The following RANBP17 variants were observed in gnomAD, a reference collection of about 807,000 sequenced individuals.
RANBP17 encodes the protein ran-binding protein 17.
Under a neutral mutation model 141.2 loss-of-function variants are expected in RANBP17, and 158 were observed. That is an observed-to-expected ratio of 1.12 (90% CI 0.98 to 1.28). The LOEUF (loss-of-function observed/expected upper bound fraction) is 1.28. Ranked by LOEUF, RANBP17 falls within the 50% of genes most tolerant of loss-of-function variation. The pLI is 0.00. For synonymous variants in RANBP17, 430 were observed against 450.0 expected, an observed-to-expected ratio of 0.96 and a Z score of 0.56; for missense variants, 1,438 against 1,290.7, an observed-to-expected ratio of 1.11 and a Z score of -1.75.
At chr5:171,290,803 G>A (rs1474844338) in intron 25 of RANBP17, among the ~76,000 whole-genome samples, 1 of 152,156 alleles carries the variant, frequency 6.6e-6, no homozygotes, top group Non-Finnish European at 1.5e-5. Context: ...TTCATTGAGC[G>A]ATGAAATTCC....
chr5:170,993,414 T>A (rs1265696656), intron 14 of RANBP17, among the ~76,000 whole-genome samples: 1 of 152,036 alleles, frequency 6.6e-6, no homozygotes, highest in Admixed American at 6.6e-5. Context: ...CTAAAATACA[T>A]ATTTTTAAAG....
intron 16 of RANBP17, among the ~76,000 whole-genome samples, chr5:171,174,748 T>TAG (rs1218362292): frequency 8.6e-5 from 9 of 104,512 alleles, no homozygotes; most frequent in Middle Eastern, 4.7e-3. Context: ...TAAAAATATC[T>TAG]AGAGTGTGTG....
chr5:171,177,344 CT>C (rs1760553186), intron 16 of RANBP17, among the ~76,000 whole-genome samples: 1 of 152,020 alleles, frequency 6.6e-6, no homozygotes, highest in Non-Finnish European at 1.5e-5. Context: ...TTGTTTTGAT[CT>C]GATCATTTCT....
chr5:170,946,717 T>C (rs987201764), intron 12 of RANBP17, among the ~76,000 whole-genome samples: 1 of 152,130 alleles, frequency 6.6e-6, no homozygotes, highest in African/African-American at 2.4e-5. Context: ...AGCAGCACTA[T>C]TTTTCATGCT....
At chr5:170,910,868 T>C in intron 6 of RANBP17, 101 bp from the exon 7 acceptor site, 1 of 1,167,172 alleles carries the variant, frequency 8.6e-7, no homozygotes, top group Non-Finnish European at 1.2e-6. Flanking sequence ...GTAAACTCCT[T>C]TATTAGTTTT....
intron 25 of RANBP17, among the ~76,000 whole-genome samples, chr5:171,289,581 A>G (rs970894929): frequency 6.6e-6 from 1 of 152,126 alleles, no homozygotes; most frequent in Non-Finnish European, 1.5e-5. Flanking sequence ...CTACAAAAAA[A>G]TCAAACCATT....
intron 18 of RANBP17, 29 bp downstream of exon 18, chr5:171,183,459 TA>T (rs1761011557): frequency 2.8e-6 from 4 of 1,435,432 alleles, no homozygotes; most frequent in Non-Finnish European, 3.9e-6. Flanking sequence ...ACTCAATTAA[TA>T]AGGGATCAGC....
At chr5:171,182,942 T>C (rs561711340) in intron 16 of RANBP17, among the ~76,000 whole-genome samples, 1 of 152,242 alleles carries the variant, frequency 6.6e-6, no homozygotes, top group African/African-American at 2.4e-5. Flanking sequence ...AATTCATTCT[T>C]TCTTTCCATA....
Position 171,000,762 on chromosome 5 carries a change from G to A in RANBP17, c.1710+32385G>A, listed in dbSNP as rs1440768951. Among the ~76,000 whole-genome samples, 10 of 152,220 alleles carry A rather than the reference G, an allele frequency of 6.6e-5. No individual in the cohort carries two copies. In the South Asian group the frequency reaches 2.1e-3, roughly 32 times the overall value. On this transcript the variant is annotated intron_variant, in intron 14 of 27. Transcript: ENST00000523189. ...TTAGGAGCAATGTTTTACGGGCAGGGGGTGGATCTCACAAAGTACATTCTC... is the reference window on the plus strand; with the variant it reads ...TTAGGAGCAATGTTTTACGGGCAGGAGGTGGATCTCACAAAGTACATTCTC...
chr5:171,013,047 T>C (rs1001223420), intron 14 of RANBP17, among the ~76,000 whole-genome samples: 1 of 152,170 alleles, frequency 6.6e-6, no homozygotes, highest in Middle Eastern at 3.2e-3. Flanking sequence ...GACTTTAGAG[T>C]TAAATCTCAG....
chr5:170,975,650 CTTTTATAAGGGCACT>C (rs1777312811), intron 14 of RANBP17, among the ~76,000 whole-genome samples: 1 of 152,172 alleles, frequency 6.6e-6, no homozygotes, highest in African/African-American at 2.4e-5. Flanking sequence ...ATAAGGGCAC[CTTTTATAAGGGCACT>C]AATCCCCCTT....
chr5:170,983,520 A>G (rs559490559), intron 14 of RANBP17, among the ~76,000 whole-genome samples: 1 of 152,220 alleles, frequency 6.6e-6, no homozygotes, highest in Admixed American at 6.5e-5. Context: ...AGATAATGTG[A>G]AAAATTCTTA....
chr5:171,055,908 A>AAAAT, intron 14 of RANBP17, among the ~76,000 whole-genome samples: 1 of 144,502 alleles, frequency 6.9e-6, no homozygotes, highest in African/African-American at 2.5e-5. Flanking sequence ...AAAAAAAAAA[A>AAAAT]CATTCTTATT....
Position 171,299,895 on chromosome 5 carries a change from A to C in RANBP17, c.*1037A>C, listed in dbSNP as rs531476539. On this transcript the variant is annotated 3_prime_UTR_variant, in exon 28 of 28. Coordinates refer to ENST00000523189, the MANE Select transcript of RANBP17 (RefSeq NM_022897.5). ...CCACTGTCAAGTGTTTTACTATCTC[A>C]CTGCTGTTTTTATGATTCAGGCTTA... 4.7e-6 allele frequency: 1 copy of C among 210,646 alleles called. No homozygotes were observed. Among genetic ancestry groups the C allele is most frequent in the East Asian group, 7.2e-5 (1 of 13,950 alleles). The allele number at this position is 210,646 out of a possible 1,614,324, so 13.0% of individuals were successfully genotyped here. A position where few individuals can be genotyped will look rare whatever the true frequency, so the allele number is the denominator to read the frequency against.
chr5:170,876,658 G>C (rs1338310599), intron 1 of RANBP17, among the ~76,000 whole-genome samples: 1 of 152,040 alleles, frequency 6.6e-6, no homozygotes, highest in Non-Finnish European at 1.5e-5. Context: ...TAGGGAAATG[G>C]AAAATGCTAT....
At chr5:171,183,960 G>A (rs1761046371) in intron 18 of RANBP17, among the ~76,000 whole-genome samples, 1 of 152,144 alleles carries the variant, frequency 6.6e-6, no homozygotes, top group Non-Finnish European at 1.5e-5. Context: ...TTACACTGGT[G>A]CAAATGGTAT....
intron 14 of RANBP17, among the ~76,000 whole-genome samples, chr5:171,089,889 T>A (rs1227893603): frequency 1.3e-5 from 2 of 152,300 alleles, no homozygotes; most frequent in African/African-American, 4.8e-5. Context: ...ACCCGGTACC[T>A]CAGATGGAAA....
intron 24 of RANBP17, among the ~76,000 whole-genome samples, chr5:171,249,143 CAAGA>C (rs1414387260): frequency 1.3e-5 from 2 of 152,150 alleles, no homozygotes; most frequent in Non-Finnish European, 1.5e-5. Flanking sequence ...CCTAACCCTC[CAAGA>C]AAGTTACAGA....
intron 13 of RANBP17, among the ~76,000 whole-genome samples, chr5:170,959,663 A>G (rs1466826836): frequency 6.6e-6 from 1 of 152,220 alleles, no homozygotes; most frequent in Non-Finnish European, 1.5e-5. Context: ...CCTTATTGAT[A>G]ACATAAACAG....
Sources: allele counts gnomAD v4.1 joint callset (sites outside exome capture counted in the v4.1 genomes callset), GRCh38; gene constraint gnomAD v4.1.1; transcripts MANE v1.5; gene names NCBI Gene and HGNC (gene_info 2026-07-23, HGNC 2026-07-21).